Variants in PCNX2 observed in about 807,000 individuals in gnomAD.
PCNX2 encodes the protein pecanex-like protein 2.
In PCNX2, 168 loss-of-function variants were observed where a neutral mutation model predicts 223.8. The ratio of observed to expected loss-of-function variants is 0.75; its 90% confidence interval spans 0.66 to 0.85. The LOEUF is 0.85. PCNX2 is among the 40% of genes least tolerant of loss of function. The probability of loss-of-function intolerance (pLI) is 0.00; values close to 1 mark genes in which losing one functional copy is unlikely to be tolerated. For missense variants in PCNX2, 2,507 were observed against 2,675.5 expected, an observed-to-expected ratio of 0.94 and a Z score of 1.39; for synonymous variants, 1,006 against 1,052.6, an observed-to-expected ratio of 0.96 and a Z score of 0.86.
At chr1:233,190,979 T>C (rs1680391397) in intron 15 of PCNX2, among the ~76,000 whole-genome samples, 1 of 152,192 alleles carries the variant, frequency 6.6e-6, no homozygotes, top group Non-Finnish European at 1.5e-5. Flanking sequence ...TAGCAATGTC[T>C]GACATGAAAA....
chr1:233,073,186 C>G (rs565391274), intron 23 of PCNX2, among the ~76,000 whole-genome samples: 1 of 152,146 alleles, frequency 6.6e-6, no homozygotes, highest in East Asian at 1.9e-4. Flanking sequence ...TACAAGGGGT[C>G]GTAGAATTCT....
chr1:233,271,047 G>A (rs8179359), intron 1 of PCNX2, among the ~76,000 whole-genome samples: 11,592 of 152,054 alleles, frequency 0.076, 738 homozygotes, highest in East Asian at 0.17. Context: ...TCATGTTGTC[G>A]TTTTCATTTT....
chr1:233,115,976 A>C (rs2102984207), intron 21 of PCNX2, among the ~76,000 whole-genome samples: 1 of 152,304 alleles, frequency 6.6e-6, no homozygotes, highest in South Asian at 2.1e-4. Context: ...ATCAACCAAA[A>C]ACAGGAGCAG....
At chr1:233,133,580 G>A (rs1477072485) in intron 21 of PCNX2, among the ~76,000 whole-genome samples, 1 of 152,198 alleles carries the variant, frequency 6.6e-6, no homozygotes, top group East Asian at 1.9e-4. Context: ...TTGGGGCCAG[G>A]TGCAGTGGCT....
At chr1:233,076,180 C>T (rs1171146871) in intron 23 of PCNX2, among the ~76,000 whole-genome samples, 1 of 152,134 alleles carries the variant, frequency 6.6e-6, no homozygotes, top group East Asian at 1.9e-4. Context: ...CTGTTACATT[C>T]TTCTGGTAAA....
chr1:233,175,165 G>T (rs1679409632), intron 17 of PCNX2, among the ~76,000 whole-genome samples: 1 of 152,082 alleles, frequency 6.6e-6, no homozygotes, highest in African/African-American at 2.4e-5. Flanking sequence ...GACAATGGGA[G>T]GGGGGTTTAT....
intron 25 of PCNX2, among the ~76,000 whole-genome samples, chr1:233,042,610 A>C (rs1473662957): frequency 1.3e-5 from 2 of 152,198 alleles, no homozygotes; most frequent in Non-Finnish European, 2.9e-5. Context: ...ACTTTCCCCT[A>C]AATATGTCCT....
intron 8 of PCNX2, among the ~76,000 whole-genome samples, chr1:233,238,527 C>T (rs1000934492): frequency 2.0e-5 from 3 of 151,556 alleles, no homozygotes; most frequent in Non-Finnish European, 2.9e-5. Flanking sequence ...CTAAGCGCTA[C>T]AAAAATAGAA....
intron 19 of PCNX2, among the ~76,000 whole-genome samples, chr1:233,150,665 G>C (rs1677743142): frequency 1.3e-5 from 2 of 151,896 alleles, no homozygotes; most frequent in South Asian, 4.1e-4. Flanking sequence ...ACATTTTAAA[G>C]CTTTAATACA....
chr1:233,275,469 C>T (rs1660858726), intron 1 of PCNX2, among the ~76,000 whole-genome samples: 1 of 152,118 alleles, frequency 6.6e-6, no homozygotes, highest in Non-Finnish European at 1.5e-5. Context: ...TCCCAAAGTG[C>T]TAGGATTACA....
Position 233,093,078 on chromosome 1 carries a change from C to T in PCNX2, c.3946+2677G>A, listed in dbSNP as rs1030376343. 5.3e-5 allele frequency among the ~76,000 whole-genome samples: 8 copies of T among 152,276 alleles called. No homozygotes were observed. The East Asian group carries it at 7.7e-4, about 15-fold the overall frequency. Reference sequence around the variant, plus strand: ...CCTCCCAAAGTGCTGGGATTACAGGCGTGAGCCACTGTGCCCAGCCAGAAA... The same window carrying T: ...CCTCCCAAAGTGCTGGGATTACAGGTGTGAGCCACTGTGCCCAGCCAGAAA... On this transcript the variant is annotated intron_variant, in intron 22 of 33. Transcript: ENST00000258229.
In PCNX2 at chr1:233,234,123, T is replaced by C. The variant is rs144515192; in HGVS notation, c.2358+2722A>G. Among the ~76,000 whole-genome samples the C allele has an allele frequency of 3.9e-3, 587 of 152,298 alleles. 1 individual carries two copies. Among genetic ancestry groups the C allele is most frequent in the Non-Finnish European group, 6.5e-3 (439 of 68,026 alleles). On this transcript the variant is annotated intron_variant, in intron 9 of 33. Coordinates refer to ENST00000258229, the MANE Select transcript of PCNX2 (RefSeq NM_014801.4). ...ACTTCTTGTAGGCAGGGACTGAGTC[T>C]TTTCACCATTGTATACCCAGCTTCT...
chr1:233,254,937 C>T (rs1037680948), intron 5 of PCNX2, among the ~76,000 whole-genome samples: 3 of 152,102 alleles, frequency 2.0e-5, no homozygotes, highest in Non-Finnish European at 2.9e-5. Flanking sequence ...TTTCTATATA[C>T]ATTCATGATT....
intron 9 of PCNX2, among the ~76,000 whole-genome samples, chr1:233,229,884 A>AT: frequency 6.6e-6 from 1 of 152,106 alleles, no homozygotes; most frequent in Middle Eastern, 3.4e-3. Context: ...ATAGAATTTT[A>AT]TTTTTTTGCC....
At chr1:233,027,525 C>G (rs1319435824) in intron 25 of PCNX2, among the ~76,000 whole-genome samples, 1 of 152,202 alleles carries the variant, frequency 6.6e-6, no homozygotes, top group Non-Finnish European at 1.5e-5. Flanking sequence ...CAATGTTTCT[C>G]TATTTTCTAG....
At chr1:233,174,718 T>C (rs942953742) in intron 17 of PCNX2, among the ~76,000 whole-genome samples, 1 of 152,090 alleles carries the variant, frequency 6.6e-6, no homozygotes, top group African/African-American at 2.4e-5. Flanking sequence ...ATAAAGGGTG[T>C]TGAAAATGAC....
In PCNX2 at chr1:233,258,766, C is replaced by T. The variant is rs375872536; in HGVS notation, c.1096G>A (p.Asp366Asn). 1.3e-4 allele frequency: 217 copies of T among 1,613,724 alleles called. No individual in the cohort carries two copies. Among genetic ancestry groups the T allele is most frequent in the Non-Finnish European group, 1.7e-4 (206 of 1,179,894 alleles). Reference protein sequence around the residue: ...VTLIDTSQPGDPLSLHEPIKI... With the variant: ...VTLIDTSQPGNPLSLHEPIKI... Reference sequence around the variant, plus strand: ...ATGGGCTCATGTAGACTCAGTGGGTCTCCGGGTTGAGAAGTATCGATGAGA... The same window carrying T: ...ATGGGCTCATGTAGACTCAGTGGGTTTCCGGGTTGAGAAGTATCGATGAGA... Residue 366 changes from aspartate to asparagine, a missense_variant, in exon 5 of 34, where the codon GAC becomes AAC. By Grantham distance (23) the Asp-to-Asn change is conservative (BLOSUM62 1). This residue lies in a region of PCNX2 where 1,031 missense variants were observed against 1,021.7 expected (regional missense o/e 1.01). Coordinates refer to ENST00000258229, the MANE Select transcript of PCNX2 (RefSeq NM_014801.4).
chr1:233,018,778 T>G, intron 26 of PCNX2: 1 of 985,414 alleles, frequency 1.0e-6, no homozygotes, highest in Non-Finnish European at 1.2e-6. Context: ...TGTGAAATCA[T>G]GAGGGGCTGG....
intron 21 of PCNX2, among the ~76,000 whole-genome samples, chr1:233,111,094 A>G (rs1675086092): frequency 6.6e-6 from 1 of 152,170 alleles, no homozygotes; most frequent in Non-Finnish European, 1.5e-5. Context: ...GACTCTTAAA[A>G]TATTTGGCAT....
Sources: gnomAD v4.1 joint callset for allele counts (sites outside exome capture counted in the v4.1 genomes callset) on GRCh38, gnomAD v4.1.1 for gene constraint, gnomAD v4.1.1 regional missense constraint, MANE v1.5 for transcripts, NCBI Gene and HGNC (gene_info 2026-07-23, HGNC 2026-07-21) for gene names.